Variants in TRIM31 observed in about 807,000 individuals in gnomAD.
TRIM31 encodes the protein tripartite motif containing 31, also known as E3 ubiquitin-protein ligase TRIM31.
In TRIM31, 31 loss-of-function variants were observed where a neutral mutation model predicts 40.6. The ratio of observed to expected loss-of-function variants is 0.76; its 90% CI spans 0.57 to 1.03. The LOEUF (loss-of-function observed/expected upper bound fraction) is 1.03. TRIM31 is among the 50% of genes least tolerant of loss of function. The pLI, the probability that TRIM31 is intolerant of heterozygous loss-of-function variation, is 0.00. For missense variants in TRIM31, 455 were observed against 497.5 expected (o/e 0.91, Z 0.81); for synonymous variants, 164 against 193.9 (o/e 0.85, Z 1.28).
chr6:30,110,559 C>T lies in TRIM31; in HGVS notation c.633G>A (p.Thr211=), dbSNP rs748140514. 1.5e-5 allele frequency: 25 copies of T among 1,614,068 alleles called. No individual in the cohort carries two copies. The highest frequency in any genetic ancestry group is 4.0e-5 in the African/African-American group (3 of 74,924). The change falls in exon 4 of 9, where the codon ACG becomes ACA. Residue 211 remains threonine (T), a synonymous_variant. Transcript: ENST00000376734. ...SRIYWLGHEG[T]EAGKHYVAST... ...AGGCAACATAGTGTTTCCCCGCTTCCGTTCCCTCATGACCCAGCCAGTAAA... is the reference window on the plus strand; with the variant it reads ...AGGCAACATAGTGTTTCCCCGCTTCTGTTCCCTCATGACCCAGCCAGTAAA...
intron 7 of TRIM31, 55 bp downstream of exon 7, chr6:30,105,113 C>T: frequency 1.3e-6 from 2 of 1,498,964 alleles, no homozygotes; most frequent in South Asian, 1.2e-5. Context: ...CAATTCTTCC[C>T]CTTTTCTCAC....
chr6:30,103,630 G>T lies in TRIM31; in HGVS notation c.1184C>A (p.Thr395Lys). The T allele has an allele frequency of 6.2e-7, 1 of 1,613,030 alleles. No homozygotes were observed. The highest frequency in any genetic ancestry group is 1.1e-5 in the South Asian group (1 of 91,082). The change falls in exon 9 of 9, where the codon ACA becomes AAA. Residue 395 changes from threonine (T) to lysine (K), a missense_variant. By Grantham distance (78) the Thr-to-Lys change is moderately conservative (BLOSUM62 -1). Coordinates refer to ENST00000376734, the MANE Select transcript of TRIM31 (RefSeq NM_007028.5). ...GQGASSQDTK[T>K]FDVALSEELH... ...CTCCTCGGACAGCGCAACGTCAAAT[G>T]TCTTCGTATCCTGAGAGCTCGCTCC...
chr6:30,105,060 T>A, intron 7 of TRIM31, 108 bp downstream of exon 7: 1 of 930,174 alleles, frequency 1.1e-6, no homozygotes, highest in Non-Finnish European at 1.7e-6. Flanking sequence ...GGCTGAGGAA[T>A]CGGCATTCAC....
chr6:30,112,352 C>T (rs1769419340), intron 2 of TRIM31, 37 bp downstream of exon 2: 1 of 1,576,038 alleles, frequency 6.3e-7, no homozygotes. Context: ...AACTCCTGGG[C>T]TGATGGGGGA....
In TRIM31 at chr6:30,103,330, G is replaced by A. The variant is rs187749592; in HGVS notation, c.*206C>T. On this transcript the variant is annotated 3_prime_UTR_variant, in exon 9 of 9. Coordinates refer to ENST00000376734, the MANE Select transcript of TRIM31 (RefSeq NM_007028.5). ...TGTCTCTTCCCCTCCTTTTGCTCAA[G>A]AATTCGTCCATTCCTTCTCCAACTC... 7.8e-6 allele frequency: 6 copies of A among 767,586 alleles called. No homozygotes were observed. In the East Asian group the frequency reaches 1.5e-4, roughly 19 times the overall value. The allele number at this position is 767,586 out of a possible 1,614,324, so 47.5% of individuals were successfully genotyped here.
Position 30,111,647 on chromosome 6 carries a change from C to A in TRIM31, c.513+1G>T. On this transcript the variant is annotated splice_donor_variant, in intron 3 of 8. Coordinates refer to ENST00000376734, the MANE Select transcript of TRIM31 (RefSeq NM_007028.5). LOFTEE classifies it high-confidence loss of function. ...AGATCGTGGGATGGAGTTTTTCTTA[C>A]CGTGAAGACATCGACCCTGTGTACA... is the stretch of plus-strand genomic sequence containing the variant. The A allele has an allele frequency of 6.2e-7, 1 of 1,613,894 alleles. No homozygotes were observed. The highest frequency in any genetic ancestry group is 2.2e-5 in the East Asian group (1 of 44,870).
At chr6:30,111,770 G>A (rs1562049430) in intron 2 of TRIM31, 27 bp from the exon 3 acceptor site, 2 of 1,610,232 alleles carry the variant, frequency 1.2e-6, no homozygotes, top group Non-Finnish European at 8.5e-7. Flanking sequence ...GTTTGGACAG[G>A]CTGTGCCTGG....
chr6:30,111,435 C>T (rs1769303975), intron 3 of TRIM31: 2 of 552,358 alleles, frequency 3.6e-6, no homozygotes, highest in Non-Finnish European at 3.2e-6. Flanking sequence ...CCGTGCCCCA[C>T]CTTGTCTGCC....
At chr6:30,109,175 A>T in intron 4 of TRIM31, 127 bp from the exon 5 acceptor site, 1 of 899,382 alleles carries the variant, frequency 1.1e-6, no homozygotes, top group Non-Finnish European at 1.8e-6. Context: ...AGTCTCTCTT[A>T]CCCCATCCTC....
intron 7 of TRIM31, 151 bp from the exon 8 acceptor site, chr6:30,104,318 T>C: frequency 1.3e-6 from 1 of 744,378 alleles, no homozygotes; most frequent in South Asian, 1.8e-5. Context: ...TGGAAACCTT[T>C]CAGGTTGTCT....
Position 30,103,712 on chromosome 6 carries a change from C to T in TRIM31, c.1102G>A (p.Gly368Arg). ...AGACATACTGGAAAAGTGACTTTCC[C>T]AGCAGACGAGGCCCGAAACAGGGAG... is the stretch of plus-strand genomic sequence containing the variant. ...SHSLFRASSA[G>R]KVTFPVCLLA... is the part of the protein sequence containing the mutation. The change falls in exon 9 of 9, where the codon GGG (glycine) becomes AGG (arginine). Residue 368 changes from glycine to arginine, a missense_variant. By Grantham distance (125) the Gly-to-Arg change is moderately radical. Transcript: ENST00000376734. The T allele has an allele frequency of 3.1e-6, 5 of 1,613,046 alleles. No homozygotes were observed. Among genetic ancestry groups the T allele is most frequent in the Non-Finnish European group, 4.2e-6 (5 of 1,180,020 alleles).
chr6:30,110,544 G>T lies in TRIM31; in HGVS notation c.648C>A (p.His216Gln). The T allele has an allele frequency of 6.2e-7, 1 of 1,614,164 alleles. No homozygotes were observed. Among genetic ancestry groups the T allele is most frequent in the Non-Finnish European group, 8.5e-7 (1 of 1,180,024 alleles). ...LGHEGTEAGK[H>Q]YVASTEPQLN... ...ACTGTGGCTCAGTGGAGGCAACATA[G>T]TGTTTCCCCGCTTCCGTTCCCTCAT... The change falls in exon 4 of 9, where the codon CAC becomes CAA. Residue 216 changes from histidine to glutamine, a missense_variant. Transcript: ENST00000376734.
intron 6 of TRIM31, chr6:30,107,851 A>C (rs1246687572): frequency 5.4e-6 from 3 of 557,214 alleles, no homozygotes; most frequent in Non-Finnish European, 9.6e-6. Context: ...GAGGCAGATA[A>C]ATAACATATC....
At chr6:30,109,581 A>T (rs1202513806) in intron 4 of TRIM31, among the ~76,000 whole-genome samples, 1 of 152,174 alleles carries the variant, frequency 6.6e-6, no homozygotes, top group African/African-American at 2.4e-5. Flanking sequence ...ACTAATTCAA[A>T]TTTAAATTAA....
At position 30,103,206 on chromosome 6, in the gene TRIM31, TAA is replaced by T. The variant is rs781759908; in HGVS notation, c.*328_*329del. Reference sequence around the variant, plus strand: ...CTGGTGCCTTCGGTAAACAGCTGCTTAAAGAGTGCGGGGACTGCTGCAGGGAC... The same window carrying T: ...CTGGTGCCTTCGGTAAACAGCTGCTTAGAGTGCGGGGACTGCTGCAGGGAC... On this transcript the variant is annotated 3_prime_UTR_variant, in exon 9 of 9. Coordinates refer to ENST00000376734, the MANE Select transcript of TRIM31 (RefSeq NM_007028.5). 2.4e-6 allele frequency: 1 copy of T among 421,854 alleles called. No individual in the cohort carries two copies. Among genetic ancestry groups the T allele is most frequent in the South Asian group, 3.1e-5 (1 of 32,202 alleles). 26.1% of individuals were successfully genotyped at this position (421,854 alleles called of 1,614,324 possible).
chr6:30,106,345 A>G (rs553421914), intron 6 of TRIM31, among the ~76,000 whole-genome samples: 15 of 152,290 alleles, frequency 9.8e-5, no homozygotes, highest in Non-Finnish European at 2.1e-4. Context: ...AGAGCATAGG[A>G]AACACTGCCT....
At chr6:30,104,004 T>C in intron 8 of TRIM31, 98 bp downstream of exon 8, 1 of 1,404,380 alleles carries the variant, frequency 7.1e-7, no homozygotes, top group South Asian at 1.2e-5. Context: ...AATTCATTCA[T>C]TTATTCATTT....
intron 7 of TRIM31, among the ~76,000 whole-genome samples, chr6:30,104,800 C>T (rs1768520782): frequency 6.6e-6 from 1 of 152,124 alleles, no homozygotes. Context: ...GTCTCCATCC[C>T]CTGAGCTGTA....
At chr6:30,110,298 A>G (rs1239970382) in intron 4 of TRIM31, 150 bp downstream of exon 4, 1 of 639,128 alleles carries the variant, frequency 1.6e-6, no homozygotes, top group Non-Finnish European at 2.7e-6. Flanking sequence ...TCATTCTAAT[A>G]CATGCGGCTC....
Sources: allele counts gnomAD v4.1 joint callset (sites outside exome capture counted in the v4.1 genomes callset), GRCh38; gene constraint gnomAD v4.1.1; transcripts MANE v1.5; gene names NCBI Gene and HGNC (gene_info 2026-07-23, HGNC 2026-07-21).